The following SPTSSA variants were observed in gnomAD, a reference collection of about 807,000 sequenced individuals.
The protein encoded by SPTSSA is small subunit of serine palmitoyltransferase A.
In SPTSSA, 8 loss-of-function variants were observed where a neutral mutation model predicts 9.1. That is an observed-to-expected ratio of 0.88 (90% CI 0.51 to 1.58). SPTSSA has a LOEUF of 1.58. Ranked by LOEUF, SPTSSA falls within the 40% of genes most tolerant of loss-of-function variation. The pLI, the probability that SPTSSA is intolerant of heterozygous loss-of-function variation, is 0.00. For synonymous variants in SPTSSA, 42 were observed against 37.7 expected, an observed-to-expected ratio of 1.11 and a Z score of -0.41; for missense variants, 100 against 93.8, an observed-to-expected ratio of 1.07 and a Z score of -0.27.
In SPTSSA at chr14:34,435,025, A is replaced by G. The variant is rs1883216149; in HGVS notation, c.*176T>C. The G allele has an allele frequency of 2.3e-6, 1 of 432,502 alleles. No individual in the cohort carries two copies. Among genetic ancestry groups the G allele is most frequent in the Admixed American group, 4.0e-5 (1 of 25,008 alleles). The allele number at this position is 432,502 out of a possible 1,614,324, so 26.8% of individuals were successfully genotyped here. A position where few individuals can be genotyped will look rare whatever the true frequency, so the allele number is the denominator to read the frequency against. On this transcript the variant is annotated 3_prime_UTR_variant, in exon 2 of 2. Transcript: ENST00000298130. ...ACAAGAGCCTCTTTGAAAATTAAAA[A>G]TAAAGAACACAACACATGAGTCAGG...
chr14:34,445,482 C>A (rs1385776505), intron 1 of SPTSSA, among the ~76,000 whole-genome samples: 1 of 152,128 alleles, frequency 6.6e-6, no homozygotes, highest in Non-Finnish European at 1.5e-5. Context: ...GCCTGGGCGA[C>A]AGAGCAAGAC....
rs201931594 is a variant in SPTSSA, at chr14:34,435,223, T to C, written c.194A>G (p.His65Arg). ...FMPQHIMAIL[H>R]YFEIVQ ...TGGTCATTGTACGATTTCAAAGTAG[T>C]GCAATATCGCCATGATGTGCTGGGG... Residue 65 changes from histidine (H) to arginine (R), a missense_variant, in exon 2 of 2, where the codon CAC (histidine) becomes CGC (arginine). Coordinates refer to ENST00000298130, the MANE Select transcript of SPTSSA (RefSeq NM_138288.4). 32 of 1,613,780 alleles carry C rather than the reference T, an allele frequency of 2.0e-5. No homozygotes were observed. The East Asian group carries it at 6.5e-4, about 33-fold the overall frequency.
chr14:34,435,623 C>CTCTTTTTTTTTTT (rs1883229026), intron 1 of SPTSSA, among the ~76,000 whole-genome samples: 1 of 92,470 alleles, frequency 1.1e-5, no homozygotes, highest in African/African-American at 4.6e-5. Context: ...GTTTGTTTCT[C>CTCTTTTTTTTTTT]TTTTTTTTTT....
At chr14:34,459,159 C>T (rs58203673) in intron 1 of SPTSSA, among the ~76,000 whole-genome samples, 28,957 of 151,710 alleles carry the variant, frequency 0.19, 3,062 homozygotes, top group East Asian at 0.28. Context: ...GGGCCAGGCG[C>T]GGTGGCTCAC....
intron 1 of SPTSSA, among the ~76,000 whole-genome samples, chr14:34,452,059 C>T (rs112605118): frequency 0.012 from 1,859 of 151,862 alleles, 39 homozygotes; most frequent in African/African-American, 0.043. Context: ...GAGGCCGGGG[C>T]GGGCATATCA....
chr14:34,454,373 T>A (rs1406195336), intron 1 of SPTSSA, among the ~76,000 whole-genome samples: 2 of 152,238 alleles, frequency 1.3e-5, no homozygotes, highest in Non-Finnish European at 2.9e-5. Flanking sequence ...CCCACTGCCA[T>A]TAACCCAACC....
At chr14:34,451,494 T>A (rs140125848) in intron 1 of SPTSSA, among the ~76,000 whole-genome samples, 1 of 151,854 alleles carries the variant, frequency 6.6e-6, no homozygotes, top group Non-Finnish European at 1.5e-5. Flanking sequence ...GAGGCCAAGG[T>A]GGGCAGATCA....
chr14:34,457,267 A>G (rs1326602579), intron 1 of SPTSSA, among the ~76,000 whole-genome samples: 1 of 151,710 alleles, frequency 6.6e-6, no homozygotes, highest in Non-Finnish European at 1.5e-5. Flanking sequence ...TTAACAATCT[A>G]TTTTTAATTT....
At chr14:34,456,698 G>C (rs569162679) in intron 1 of SPTSSA, among the ~76,000 whole-genome samples, 2 of 152,018 alleles carry the variant, frequency 1.3e-5, no homozygotes. Context: ...AGAAGTTCAA[G>C]ACCAGCCTGG....
intron 1 of SPTSSA, among the ~76,000 whole-genome samples, chr14:34,456,761 T>C (rs1205938968): frequency 1.3e-5 from 2 of 151,436 alleles, no homozygotes; most frequent in Non-Finnish European, 2.9e-5. Flanking sequence ...TAGCCGGGCG[T>C]GGTGGCACAC....
intron 1 of SPTSSA, among the ~76,000 whole-genome samples, chr14:34,438,509 G>T (rs962024434): frequency 6.6e-6 from 1 of 152,084 alleles, no homozygotes; most frequent in Non-Finnish European, 1.5e-5. Flanking sequence ...ACTGCAGACA[G>T]ATATTTCTAC....
intron 1 of SPTSSA, among the ~76,000 whole-genome samples, chr14:34,453,122 G>A (rs114035386): frequency 0.012 from 1,763 of 152,130 alleles, 44 homozygotes; most frequent in African/African-American, 0.04. Flanking sequence ...TATCAATAAG[G>A]CTCCAGTCAA....
chr14:34,451,639 C>T (rs377140528), intron 1 of SPTSSA, among the ~76,000 whole-genome samples: 1 of 148,016 alleles, frequency 6.8e-6, no homozygotes, highest in Non-Finnish European at 1.5e-5. Flanking sequence ...AGGAGAATGG[C>T]GTGAACTCGG....
intron 1 of SPTSSA, among the ~76,000 whole-genome samples, chr14:34,438,052 C>T (rs1036181222): frequency 6.6e-6 from 1 of 152,280 alleles, no homozygotes; most frequent in Non-Finnish European, 1.5e-5. Flanking sequence ...ATCCTCCCAC[C>T]TCAGCCCCCC....
At chr14:34,452,035 T>G (rs1883536765) in intron 1 of SPTSSA, among the ~76,000 whole-genome samples, 1 of 151,874 alleles carries the variant, frequency 6.6e-6, no homozygotes, top group Non-Finnish European at 1.5e-5. Flanking sequence ...TGTAATCCCA[T>G]GCCAGCACTT....
intron 1 of SPTSSA, among the ~76,000 whole-genome samples, chr14:34,448,181 G>A (rs1465469661): frequency 3.3e-5 from 5 of 152,038 alleles, no homozygotes; most frequent in African/African-American, 9.7e-5. Flanking sequence ...GCTTGAACTC[G>A]GGAGGTGGAG....
intron 1 of SPTSSA, among the ~76,000 whole-genome samples, chr14:34,436,304 A>G (rs1486859164): frequency 1.3e-5 from 2 of 152,318 alleles, no homozygotes; most frequent in Non-Finnish European, 2.9e-5. Flanking sequence ...GTATATATGG[A>G]AGTCAACAAG....
At chr14:34,454,405 G>A (rs1328242390) in intron 1 of SPTSSA, among the ~76,000 whole-genome samples, 3 of 152,082 alleles carry the variant, frequency 2.0e-5, no homozygotes, top group South Asian at 2.1e-4. Context: ...TGCCTGTCCT[G>A]GTATAGACCA....
chr14:34,435,882 A>T (rs8009289), intron 1 of SPTSSA, among the ~76,000 whole-genome samples: 8 of 151,866 alleles, frequency 5.3e-5, no homozygotes, highest in African/African-American at 1.9e-4. Context: ...CACCCATCTC[A>T]GCCTCCCAAA....
Sources: gnomAD v4.1 joint callset for allele counts (sites outside exome capture counted in the v4.1 genomes callset) on GRCh38, gnomAD v4.1.1 for gene constraint, MANE v1.5 for transcripts, NCBI Gene and HGNC (gene_info 2026-07-23, HGNC 2026-07-21) for gene names.